Variants in ITGA9 observed in about 807,000 individuals in gnomAD.
ITGA9 encodes the protein integrin alpha-9.
A neutral mutation model predicts 127.8 loss-of-function variants in ITGA9; 56 were observed. The ratio of observed to expected loss-of-function variants is 0.44; its 90% confidence interval spans 0.35 to 0.55. ITGA9 has a LOEUF of 0.55. Ranked by LOEUF, ITGA9 falls within the 20% of genes least tolerant of loss-of-function variation. The pLI is 0.00. For missense variants in ITGA9, 1,196 were observed against 1,347.1 expected (o/e 0.89, Z 1.76); for synonymous variants, 508 against 514.5 (o/e 0.99, Z 0.17).
chr3:37,581,191 A>G (rs1398592838), intron 15 of ITGA9, among the ~76,000 whole-genome samples: 1 of 152,216 alleles, frequency 6.6e-6, no homozygotes, highest in African/African-American at 2.4e-5. Flanking sequence ...CTGGAGTGGA[A>G]GCAGATAGCC....
At chr3:37,504,163 T>C (rs184087952) in intron 6 of ITGA9, among the ~76,000 whole-genome samples, 2 of 152,324 alleles carry the variant, frequency 1.3e-5, no homozygotes, top group East Asian at 3.9e-4. Context: ...CCTGGTAGCA[T>C]AGACCCAACA....
At chr3:37,618,102 T>A (rs1413370689) in intron 15 of ITGA9, among the ~76,000 whole-genome samples, 1 of 152,186 alleles carries the variant, frequency 6.6e-6, no homozygotes, top group African/African-American at 2.4e-5. Context: ...TTTATGTACC[T>A]TTGGTCTTTG....
intron 6 of ITGA9, among the ~76,000 whole-genome samples, chr3:37,504,283 C>T (rs554567738): frequency 6.6e-6 from 1 of 152,284 alleles, no homozygotes; most frequent in South Asian, 2.1e-4. Context: ...TTTTTAATTT[C>T]TGAAACAACC....
intron 17 of ITGA9, among the ~76,000 whole-genome samples, chr3:37,660,517 C>T (rs1700523063): frequency 6.6e-6 from 1 of 152,260 alleles, no homozygotes. Context: ...CTCAGTATAG[C>T]ACCTGGTGGC....
At chr3:37,587,408 A>G (rs1699769202) in intron 15 of ITGA9, among the ~76,000 whole-genome samples, 1 of 152,246 alleles carries the variant, frequency 6.6e-6, no homozygotes, top group Non-Finnish European at 1.5e-5. Flanking sequence ...CCTGAAAGAC[A>G]AAGGGAGTTT....
chr3:37,560,073 G>T (rs897191446), intron 15 of ITGA9, among the ~76,000 whole-genome samples: 1 of 152,120 alleles, frequency 6.6e-6, no homozygotes, highest in Non-Finnish European at 1.5e-5. Flanking sequence ...TTTACATTAG[G>T]TATTTCTCCT....
In ITGA9 at chr3:37,492,895, A is replaced by G. The variant is rs1698687252; in HGVS notation, c.545-1606A>G. On this transcript the variant is annotated intron_variant, in intron 4 of 27. Transcript: ENST00000264741. The stretch of plus-strand genomic sequence containing the variant: ...CGTTGTGCTATTTGATGCAGGATTT[A>G]TTATTAATTTGTATTATTTCTTGCT... 2.0e-5 allele frequency among the ~76,000 whole-genome samples: 3 copies of G among 152,170 alleles called. No individual in the cohort carries two copies. In the South Asian group the frequency reaches 6.2e-4, roughly 31 times the overall value.
Position 37,519,261 on chromosome 3 carries a change from T to C in ITGA9, c.1143T>C (p.Asp381=). 1.2e-6 allele frequency: 2 copies of C among 1,613,636 alleles called. No homozygotes were observed. Among genetic ancestry groups the C allele is most frequent in the South Asian group, 2.2e-5 (2 of 91,048 alleles). ...LDDLDNDGFP[D]VAIGAPKEDD... ...CCATAGCTGTTTTTTTACCCTCAGA[T>C]GTGGCCATTGGTGCACCCAAGGAGG... is the stretch of plus-strand genomic sequence containing the variant. Residue 381 remains aspartate (D), a splice_region_variant and synonymous_variant, in exon 11 of 28, where the codon GAT becomes GAC. Coordinates refer to ENST00000264741, the MANE Select transcript of ITGA9 (RefSeq NM_002207.3).
At position 37,768,752 on chromosome 3, in the gene ITGA9, A is replaced by G. The variant is rs574347044; in HGVS notation, c.2542-8640A>G. Among the ~76,000 whole-genome samples the G allele has an allele frequency of 6.6e-5, 10 of 152,208 alleles. No individual in the cohort carries two copies. In the South Asian group the frequency reaches 1.9e-3, roughly 28 times the overall value. ...CCTAGGTCCCTTTTAACCCAAGCCA[A>G]TTCAACAAACATAGCTTTTAGATCA... On this transcript the variant is annotated intron_variant, in intron 23 of 27. Coordinates refer to ENST00000264741, the MANE Select transcript of ITGA9 (RefSeq NM_002207.3).
At chr3:37,590,939 C>T (rs1699809857) in intron 15 of ITGA9, among the ~76,000 whole-genome samples, 1 of 152,148 alleles carries the variant, frequency 6.6e-6, no homozygotes, top group South Asian at 2.1e-4. Flanking sequence ...CTTAGCGCAG[C>T]CCTGGGGGTT....
intron 19 of ITGA9, among the ~76,000 whole-genome samples, chr3:37,735,738 G>T (rs989689516): frequency 6.6e-6 from 1 of 152,086 alleles, no homozygotes. Flanking sequence ...TTTACTTAGG[G>T]CAGTGCCCCC....
At position 37,666,723 on chromosome 3, in the gene ITGA9, C is replaced by A. The variant is rs139431286; in HGVS notation, c.1916+12933C>A. On this transcript the variant is annotated intron_variant, in intron 17 of 27. Transcript: ENST00000264741. ...TTGATCAAAGCAAATGTCACAGGGTCGCATGGAAATAAACTCTGCTTCCTG... is the reference window on the plus strand; with the variant it reads ...TTGATCAAAGCAAATGTCACAGGGTAGCATGGAAATAAACTCTGCTTCCTG... 3.0e-3 allele frequency among the ~76,000 whole-genome samples: 461 copies of A among 152,240 alleles called. 4 individuals carry two copies. Among genetic ancestry groups the A allele is most frequent in the Middle Eastern group, 0.01 (3 of 294 alleles).
At position 37,822,581 on chromosome 3, in the gene ITGA9, A is replaced by G. The variant is rs1364026664; in HGVS notation, c.*3592A>G. On this transcript the variant is annotated 3_prime_UTR_variant, in exon 28 of 28. Coordinates refer to ENST00000264741, the MANE Select transcript of ITGA9 (RefSeq NM_002207.3). ...CTCAGAGGTATGGTAGACCTTGTAG[A>G]AGATCCACTAGGAAGTCCTCCTTCA... The G allele has an allele frequency of 1.3e-5, 2 of 152,208 alleles. No homozygotes were observed. The highest frequency in any genetic ancestry group is 1.5e-5 in the Non-Finnish European group (1 of 68,044). 9.4% of individuals were successfully genotyped at this position (152,208 alleles called of 1,614,324 possible). A position where few individuals can be genotyped will look rare whatever the true frequency, so the allele number is the denominator to read the frequency against.
chr3:37,477,626 G>A (rs75596803), intron 3 of ITGA9, among the ~76,000 whole-genome samples: 2,598 of 152,298 alleles, frequency 0.017, 67 homozygotes, highest in African/African-American at 0.058. Flanking sequence ...TGAGCTTCCT[G>A]TGTGCAGACG....
intron 1 of ITGA9, among the ~76,000 whole-genome samples, chr3:37,461,800 T>C (rs956522286): frequency 6.6e-6 from 1 of 152,172 alleles, no homozygotes. Flanking sequence ...ATCTTTGGGA[T>C]TGTAAATCCT....
chr3:37,722,045 C>T (rs538006152), intron 18 of ITGA9, among the ~76,000 whole-genome samples: 15 of 152,314 alleles, frequency 9.8e-5, no homozygotes, highest in African/African-American at 3.6e-4. Flanking sequence ...CTCCGCATGG[C>T]CTGGCCTTTC....
At chr3:37,750,345 C>A in intron 22 of ITGA9, 117 bp from the exon 23 acceptor site, 1 of 734,304 alleles carries the variant, frequency 1.4e-6, no homozygotes. Flanking sequence ...CTTCCAGATC[C>A]GAACCTTAGA....
In ITGA9 at chr3:37,627,924, G is replaced by A. The variant is rs1194982232; in HGVS notation, c.1690-1263G>A. Among the ~76,000 whole-genome samples, 3 of 152,196 alleles carry A rather than the reference G, an allele frequency of 2.0e-5. No individual in the cohort carries two copies. The South Asian group carries it at 6.2e-4, about 31-fold the overall frequency. On this transcript the variant is annotated intron_variant, in intron 15 of 27. Coordinates refer to ENST00000264741, the MANE Select transcript of ITGA9 (RefSeq NM_002207.3). ...TGGATACCTAAGTACCCCCAAACTG[G>A]CAGGCACATCTGCCTCTGGGGAAGG... is the stretch of plus-strand genomic sequence containing the variant.
intron 15 of ITGA9, among the ~76,000 whole-genome samples, chr3:37,625,515 T>G (rs575584560): frequency 6.6e-6 from 1 of 152,226 alleles, no homozygotes; most frequent in Non-Finnish European, 1.5e-5. Context: ...CAGGAAAAGG[T>G]AGATTCTTGC....
Sources: gnomAD v4.1 joint callset for allele counts (sites outside exome capture counted in the v4.1 genomes callset) on GRCh38, gnomAD v4.1.1 for gene constraint, MANE v1.5 for transcripts, NCBI Gene and HGNC (gene_info 2026-07-23, HGNC 2026-07-21) for gene names.